The following PARN variants were observed in gnomAD, a reference collection of about 807,000 sequenced individuals.
The protein encoded by PARN is poly(A)-specific ribonuclease, also known as poly(A)-specific ribonuclease PARN.
PARN carries 71 observed loss-of-function variants against 102.8 expected under a neutral mutation model. That is an observed-to-expected ratio of 0.69 (90% confidence interval 0.57 to 0.84). PARN has a LOEUF of 0.84. Among genes scored for constraint, PARN ranks in the 40% least tolerant of loss-of-function variants. PARN has a pLI of 0.00. For missense variants in PARN, 782 were observed against 760.9 expected, an observed-to-expected ratio of 1.03 and a Z score of -0.33; for synonymous variants, 261 against 252.9, an observed-to-expected ratio of 1.03 and a Z score of -0.30.
chr16:14,447,486 A>G (rs1961254797), intron 22 of PARN, among the ~76,000 whole-genome samples: 1 of 152,238 alleles, frequency 6.6e-6, no homozygotes, highest in Non-Finnish European at 1.5e-5. Flanking sequence ...ATGACTGCCT[A>G]ATGCATAAAG....
intron 22 of PARN, among the ~76,000 whole-genome samples, chr16:14,454,960 A>G (rs1484767724): frequency 1.3e-5 from 2 of 152,226 alleles, no homozygotes; most frequent in African/African-American, 4.8e-5. Context: ...TGAGAAAAGC[A>G]CGTATTTCAA....
chr16:14,476,825 A>T (rs1450503095), intron 22 of PARN, among the ~76,000 whole-genome samples: 2 of 152,250 alleles, frequency 1.3e-5, no homozygotes, highest in African/African-American at 2.4e-5. Flanking sequence ...TTTAAAAAAC[A>T]ACACAAAGAG....
intron 21 of PARN, among the ~76,000 whole-genome samples, chr16:14,506,032 AC>A (rs1488308296): frequency 2.0e-5 from 3 of 152,220 alleles, no homozygotes; most frequent in Non-Finnish European, 4.4e-5. Flanking sequence ...ATGATGTCAA[AC>A]CAGACATCAG....
intron 21 of PARN, among the ~76,000 whole-genome samples, chr16:14,537,300 C>T (rs115187205): frequency 8.6e-4 from 131 of 152,090 alleles, no homozygotes; most frequent in African/African-American, 3.1e-3. Context: ...CACAGACTGG[C>T]GATGATGTAG....
chr16:14,511,369 A>G (rs1965180353), intron 21 of PARN, among the ~76,000 whole-genome samples: 1 of 152,166 alleles, frequency 6.6e-6, no homozygotes, highest in East Asian at 1.9e-4. Flanking sequence ...AGGACAGGGA[A>G]AGAGCGTCTA....
intron 21 of PARN, among the ~76,000 whole-genome samples, chr16:14,500,933 T>G (rs2151624300): frequency 6.6e-6 from 1 of 152,106 alleles, no homozygotes; most frequent in African/African-American, 2.4e-5. Flanking sequence ...TCCAGATCTG[T>G]TCCACCAAAA....
intron 18 of PARN, among the ~76,000 whole-genome samples, chr16:14,578,919 A>C (rs998479985): frequency 2.0e-5 from 3 of 152,202 alleles, no homozygotes; most frequent in African/African-American, 7.2e-5. Context: ...AGTTCTTTTC[A>C]ATAATAGTCC....
chr16:14,569,263 G>C (rs1000066560), intron 18 of PARN, among the ~76,000 whole-genome samples: 2 of 151,512 alleles, frequency 1.3e-5, no homozygotes, highest in African/African-American at 2.4e-5. Context: ...GAAATGAAAT[G>C]AGAAACAAGA....
chr16:14,454,124 G>A (rs1961579992), intron 22 of PARN, among the ~76,000 whole-genome samples: 1 of 152,070 alleles, frequency 6.6e-6, no homozygotes, highest in East Asian at 1.9e-4. Context: ...TATTATAAGA[G>A]TACATATGAT....
intron 6 of PARN, among the ~76,000 whole-genome samples, chr16:14,614,797 G>A (rs1403954075): frequency 2.3e-5 from 3 of 128,412 alleles, no homozygotes; most frequent in Non-Finnish European, 4.7e-5. Context: ...GTGGTGAGCT[G>A]AGATCGCACC....
chr16:14,520,432 A>G (rs940262362), intron 21 of PARN, among the ~76,000 whole-genome samples: 6 of 152,100 alleles, frequency 3.9e-5, no homozygotes, highest in Non-Finnish European at 8.8e-5. Context: ...CTATGTTTAA[A>G]AAAATAATCT....
intron 18 of PARN, chr16:14,578,599 T>C (rs988010830): frequency 6.6e-6 from 1 of 151,508 alleles, no homozygotes; most frequent in Non-Finnish European, 1.5e-5. Flanking sequence ...GAGGTTGCGG[T>C]GAGCCGAGAT....
intron 18 of PARN, among the ~76,000 whole-genome samples, chr16:14,577,691 G>C (rs992802025): frequency 6.6e-6 from 1 of 151,878 alleles, no homozygotes; most frequent in Non-Finnish European, 1.5e-5. Context: ...TTTTGAGATA[G>C]AGTCTCACTC....
At chr16:14,592,999 G>T (rs893604024) in intron 13 of PARN, among the ~76,000 whole-genome samples, 2 of 152,112 alleles carry the variant, frequency 1.3e-5, no homozygotes, top group African/African-American at 4.8e-5. Context: ...AGCTGGGCGT[G>T]GTGACGGGTG....
At chr16:14,445,588 G>A (rs1012866806) in intron 23 of PARN, among the ~76,000 whole-genome samples, 10 of 152,188 alleles carry the variant, frequency 6.6e-5, no homozygotes, top group African/African-American at 2.4e-4. Flanking sequence ...GTAAGACAGG[G>A]TGTCACTCTG....
chr16:14,527,317 TTC>T (rs1966061998), intron 21 of PARN, among the ~76,000 whole-genome samples: 1 of 152,252 alleles, frequency 6.6e-6, no homozygotes, highest in Non-Finnish European at 1.5e-5. Context: ...GCTTTTTGTT[TTC>T]TGTTTCTGCT....
At chr16:14,474,426 A>G (rs77835005) in intron 22 of PARN, among the ~76,000 whole-genome samples, 4,877 of 152,318 alleles carry the variant, frequency 0.032, 117 homozygotes, top group East Asian at 0.059. Flanking sequence ...AAGGATTTTC[A>G]AAACTCTAAT....
chr16:14,619,327 T>C (rs140478140), intron 5 of PARN, among the ~76,000 whole-genome samples: 1,566 of 151,578 alleles, frequency 0.01, 33 homozygotes, highest in African/African-American at 0.036. Context: ...GGGCTGGACA[T>C]GGTGGCTCAC....
rs1422124695 is a variant in PARN at position 14,617,602 on chromosome 16, C to G, written c.376G>C (p.Val126Leu). 1.3e-6 allele frequency: 2 copies of G among 1,565,768 alleles called. No individual in the cohort carries two copies. The highest frequency in any genetic ancestry group is 1.7e-5 in the Admixed American group (1 of 59,922). Reference sequence around the variant, plus strand: ...CCCATAATCTTACCATTTCGAAAAACTTTATTAAAATCAAATCCCTGGCTT... The same window carrying G: ...CCCATAATCTTACCATTTCGAAAAAGTTTATTAAAATCAAATCCCTGGCTT... ...LASQGFDFNK[V>L]FRNGIPYLNQ... The change falls in exon 6 of 24, where the codon GTT (valine) becomes CTT (leucine). Residue 126 changes from valine (V) to leucine (L), a missense_variant. Physicochemically the swap from Val to Leu is conservative, Grantham distance 32. Coordinates refer to ENST00000437198, the MANE Select transcript of PARN (RefSeq NM_002582.4).
Sources: gnomAD v4.1 joint callset for allele counts (sites outside exome capture counted in the v4.1 genomes callset) on GRCh38, gnomAD v4.1.1 for gene constraint, MANE v1.5 for transcripts, NCBI Gene and HGNC (gene_info 2026-07-23, HGNC 2026-07-21) for gene names.